CHST9: variants seen among roughly 807,000 people sequenced by gnomAD.
CHST9 encodes carbohydrate sulfotransferase 9.
In CHST9, 41 loss-of-function variants were observed where a neutral mutation model predicts 44.4. The ratio of observed to expected loss-of-function variants is 0.92; its 90% CI spans 0.72 to 1.20. The LOEUF is 1.20. CHST9 is among the 50% of genes most tolerant of loss of function. The probability of loss-of-function intolerance (pLI) is 0.00; values close to 1 mark genes in which losing one functional copy is unlikely to be tolerated. For synonymous variants in CHST9, 171 were observed against 178.4 expected (o/e 0.96, Z 0.33); for missense variants, 504 against 516.5 (o/e 0.98, Z 0.23).
At chr18:27,130,991 A>G (rs1167251535) in intron 2 of CHST9, among the ~76,000 whole-genome samples, 2 of 152,212 alleles carry the variant, frequency 1.3e-5, no homozygotes, top group Non-Finnish European at 2.9e-5. Context: ...AAGGCAAGAA[A>G]GAAGGTACGA....
chr18:27,148,383 A>T (rs1018612908), intron 1 of CHST9, among the ~76,000 whole-genome samples: 6 of 149,334 alleles, frequency 4.0e-5, no homozygotes, highest in African/African-American at 1.5e-4. Flanking sequence ...CATTAGGTGT[A>T]TCTCCTAAAG....
At chr18:27,169,422 T>C (rs1444925527) in intron 1 of CHST9, among the ~76,000 whole-genome samples, 1 of 152,090 alleles carries the variant, frequency 6.6e-6, no homozygotes, top group East Asian at 1.9e-4. Context: ...GATAGAACTA[T>C]AAGAAATGGC....
chr18:27,171,637 T>A (rs2058834392), intron 1 of CHST9, among the ~76,000 whole-genome samples: 1 of 152,184 alleles, frequency 6.6e-6, no homozygotes, highest in Non-Finnish European at 1.5e-5. Context: ...CGTGGTTGTT[T>A]TACATTTTAT....
chr18:26,918,859 C>T (rs2055590470), intron 5 of CHST9, among the ~76,000 whole-genome samples: 1 of 151,858 alleles, frequency 6.6e-6, no homozygotes, highest in Non-Finnish European at 1.5e-5. Context: ...CGTGTATAGC[C>T]CCGTGTATTA....
At chr18:26,932,781 G>A (rs1392774931) in intron 5 of CHST9, among the ~76,000 whole-genome samples, 2 of 152,104 alleles carry the variant, frequency 1.3e-5, no homozygotes, top group African/African-American at 4.8e-5. Context: ...GTCTTCTCTG[G>A]GCTTCTCTTA....
chr18:27,097,253 A>C (rs1280664085), intron 2 of CHST9, among the ~76,000 whole-genome samples: 3 of 152,092 alleles, frequency 2.0e-5, no homozygotes, highest in Non-Finnish European at 4.4e-5. Context: ...ATATCAAAAA[A>C]ATAAGAGCCA....
At chr18:27,052,329 T>C (rs1215603927) in intron 2 of CHST9, among the ~76,000 whole-genome samples, 10 of 151,840 alleles carry the variant, frequency 6.6e-5, no homozygotes, top group African/African-American at 2.2e-4. Context: ...TATGTATATA[T>C]GTGTGTATAT....
chr18:27,120,826 T>C (rs9955617), intron 2 of CHST9, among the ~76,000 whole-genome samples: 1,609 of 152,280 alleles, frequency 0.011, 24 homozygotes, highest in African/African-American at 0.034. Flanking sequence ...GAAATGCCAG[T>C]TCTAAAGGCC....
chr18:27,075,909 C>T (rs888030771), intron 2 of CHST9, among the ~76,000 whole-genome samples: 1 of 152,180 alleles, frequency 6.6e-6, no homozygotes, highest in Non-Finnish European at 1.5e-5. Flanking sequence ...GAGCTCAAAA[C>T]ATTTTAACAC....
intron 2 of CHST9, among the ~76,000 whole-genome samples, chr18:27,103,796 T>C (rs1444565649): frequency 6.6e-6 from 1 of 152,154 alleles, no homozygotes; most frequent in Non-Finnish European, 1.5e-5. Context: ...TTAATTGTAA[T>C]AACCAACCAC....
intron 4 of CHST9, among the ~76,000 whole-genome samples, chr18:27,015,323 T>TTGTG (rs10690815): frequency 0.21 from 30,781 of 146,254 alleles, 3,388 homozygotes; most frequent in Middle Eastern, 0.25. Flanking sequence ...AGAGAGGCAG[T>TTGTG]TGTGTGTGTG....
chr18:27,163,263 G>A lies in CHST9; in HGVS notation c.-96-20358C>T, dbSNP rs543401748. On this transcript the variant is annotated intron_variant, in intron 1 of 5. Coordinates refer to ENST00000618847, the MANE Select transcript of CHST9 (RefSeq NM_031422.6). ...CCAGTTAGGCTACTCAGGGGTCAGG[G>A]ACCCACTTGAGGAGGCAGTCTGTCC... is the stretch of plus-strand genomic sequence containing the variant. 1.3e-3 allele frequency among the ~76,000 whole-genome samples: 201 copies of A among 152,302 alleles called. 4 individuals carry two copies. The highest frequency in any genetic ancestry group is 0.012 in the Admixed American group (188 of 15,292).
chr18:27,140,474 G>A (rs1374772187), intron 2 of CHST9, among the ~76,000 whole-genome samples: 2 of 152,162 alleles, frequency 1.3e-5, no homozygotes, highest in Non-Finnish European at 2.9e-5. Context: ...CTTAGTGACA[G>A]ACTAAACACA....
At chr18:26,973,422 C>T (rs1234692038) in intron 4 of CHST9, among the ~76,000 whole-genome samples, 4 of 152,104 alleles carry the variant, frequency 2.6e-5, no homozygotes, top group African/African-American at 7.2e-5. Flanking sequence ...CGGAACAGTG[C>T]GTAGAAGGCC....
chr18:27,020,064 G>C (rs1157028095), intron 4 of CHST9, among the ~76,000 whole-genome samples: 1 of 152,174 alleles, frequency 6.6e-6, no homozygotes, highest in Non-Finnish European at 1.5e-5. Context: ...AATAAAATGG[G>C]AGTTGTAGAG....
intron 2 of CHST9, among the ~76,000 whole-genome samples, chr18:27,057,780 A>T (rs1268764032): frequency 2.0e-5 from 3 of 152,242 alleles, no homozygotes; most frequent in Non-Finnish European, 4.4e-5. Flanking sequence ...AGCGTGGAGA[A>T]AGCTTGAGAA....
At chr18:26,977,835 G>A (rs2056642245) in intron 4 of CHST9, among the ~76,000 whole-genome samples, 1 of 152,014 alleles carries the variant, frequency 6.6e-6, no homozygotes, top group African/African-American at 2.4e-5. Flanking sequence ...TATGCAGGGT[G>A]TCCAACATGT....
At chr18:26,977,586 T>C (rs979896546) in intron 4 of CHST9, among the ~76,000 whole-genome samples, 2 of 152,208 alleles carry the variant, frequency 1.3e-5, no homozygotes, top group African/African-American at 4.8e-5. Context: ...TCTAGGGCTA[T>C]ACAGATAGCA....
intron 2 of CHST9, among the ~76,000 whole-genome samples, chr18:27,051,748 C>T (rs771677967): frequency 6.6e-6 from 1 of 152,188 alleles, no homozygotes; most frequent in African/African-American, 2.4e-5. Flanking sequence ...CCTACAGAAA[C>T]CATGTGAGCT....
Sources: gnomAD v4.1 joint callset for allele counts (sites outside exome capture counted in the v4.1 genomes callset) on GRCh38, gnomAD v4.1.1 for gene constraint, MANE v1.5 for transcripts, NCBI Gene and HGNC (gene_info 2026-07-23, HGNC 2026-07-21) for gene names.